The following SLC24A2 variants were observed in gnomAD, a reference collection of about 807,000 sequenced individuals.
SLC24A2 encodes the protein sodium/potassium/calcium exchanger 2.
In SLC24A2, 36 loss-of-function variants were observed where a neutral mutation model predicts 62.0. The observed-to-expected ratio is 0.58, with a 90% CI of 0.44 to 0.77. The LOEUF is 0.77. Among genes scored for constraint, SLC24A2 ranks in the 30% least tolerant of loss-of-function variants. The pLI is 0.00. For missense variants in SLC24A2, 846 were observed against 817.9 expected, an observed-to-expected ratio of 1.03 and a Z score of -0.42; for synonymous variants, 358 against 294.0, an observed-to-expected ratio of 1.22 and a Z score of -2.23.
chr9:19,748,998 C>T lies in SLC24A2; in HGVS notation c.930+36939G>A, dbSNP rs550239605. Reference sequence around the variant, plus strand: ...AGAGACCTTGAAGTACAGGATAAGACACATTTGATCAGCACAACCAGCTTC... The same window carrying T: ...AGAGACCTTGAAGTACAGGATAAGATACATTTGATCAGCACAACCAGCTTC... On this transcript the variant is annotated intron_variant, in intron 2 of 10. Coordinates refer to ENST00000341998, the MANE Select transcript of SLC24A2 (RefSeq NM_020344.4). Among the ~76,000 whole-genome samples the T allele has an allele frequency of 7.3e-5, 11 of 151,148 alleles. No homozygotes were observed. In the East Asian group the frequency reaches 2.1e-3, roughly 29 times the overall value.
chr9:19,924,300 C>A, the SLC24A2 span, among the ~76,000 whole-genome samples: 14,601 of 152,232 alleles, frequency 0.096, 2,139 homozygotes, highest in African/African-American at 0.31. Flanking sequence ...TGTGCAATTT[C>A]AGATGTGTCA....
intron 4 of SLC24A2, among the ~76,000 whole-genome samples, chr9:19,615,649 A>G (rs1817747533): frequency 6.6e-6 from 1 of 152,180 alleles, no homozygotes; most frequent in Non-Finnish European, 1.5e-5. Flanking sequence ...GGCTCTCAGC[A>G]TCTCTCAGAT....
At chr9:19,859,465 A>C in the SLC24A2 span, among the ~76,000 whole-genome samples, 2 of 152,184 alleles carry the variant, frequency 1.3e-5, no homozygotes, top group African/African-American at 4.8e-5. Context: ...TTACCTATGC[A>C]ACAAACGTGC....
At chr9:20,114,238 C>G in the SLC24A2 span, among the ~76,000 whole-genome samples, 16 of 152,094 alleles carry the variant, frequency 1.1e-4, no homozygotes, top group African/African-American at 3.9e-4. Context: ...AGGAAAGAAC[C>G]ACCGCAAAGG....
chr9:19,772,782 G>T (rs1188759273), intron 2 of SLC24A2, among the ~76,000 whole-genome samples: 2 of 152,082 alleles, frequency 1.3e-5, no homozygotes, highest in African/African-American at 4.8e-5. Context: ...GAAAACAGTT[G>T]GCAGTTCCTC....
the SLC24A2 span, among the ~76,000 whole-genome samples, chr9:19,969,790 T>A: frequency 6.6e-6 from 1 of 152,232 alleles, no homozygotes; most frequent in Non-Finnish European, 1.5e-5. Flanking sequence ...TTGGTTAAAA[T>A]ACTAACTCAA....
At chr9:19,921,416 G>A in the SLC24A2 span, among the ~76,000 whole-genome samples, 6 of 151,648 alleles carry the variant, frequency 4.0e-5, no homozygotes, top group South Asian at 2.1e-4. Context: ...CCAGCTACTC[G>A]GGAGGGACAG....
At chr9:19,899,533 C>G in the SLC24A2 span, among the ~76,000 whole-genome samples, 6 of 152,148 alleles carry the variant, frequency 3.9e-5, no homozygotes, top group Non-Finnish European at 7.3e-5. Flanking sequence ...CAGTTACCCT[C>G]ACATCATGAA....
At chr9:19,575,317 G>A (rs1586985350) in intron 6 of SLC24A2, among the ~76,000 whole-genome samples, 1 of 152,154 alleles carries the variant, frequency 6.6e-6, no homozygotes, top group Non-Finnish European at 1.5e-5. Context: ...ACTCTGTTTG[G>A]AGAATTCTAT....
chr9:19,985,360 A>C, the SLC24A2 span, among the ~76,000 whole-genome samples: 1 of 152,206 alleles, frequency 6.6e-6, no homozygotes, highest in Admixed American at 6.5e-5. Context: ...GGGATTGGAT[A>C]AACAAATTAT....
chr9:19,785,502 C>T (rs1238910446), intron 2 of SLC24A2, among the ~76,000 whole-genome samples: 1 of 152,232 alleles, frequency 6.6e-6, no homozygotes, highest in Non-Finnish European at 1.5e-5. Context: ...CTTTCTTCCT[C>T]AGACATCTCT....
chr9:19,839,677 A>G, the SLC24A2 span, among the ~76,000 whole-genome samples: 241 of 152,320 alleles, frequency 1.6e-3, 1 homozygote, highest in African/African-American at 5.1e-3. Context: ...ACAGTTAATG[A>G]AAGTGTTCCC....
chr9:19,795,920 C>A, the SLC24A2 span, among the ~76,000 whole-genome samples: 1 of 134,220 alleles, frequency 7.5e-6, no homozygotes, highest in African/African-American at 2.5e-5. Context: ...CACATATACA[C>A]CATGGAATAA....
chr9:19,741,643 T>G (rs1366995716), intron 2 of SLC24A2, among the ~76,000 whole-genome samples: 1 of 152,208 alleles, frequency 6.6e-6, no homozygotes, highest in Non-Finnish European at 1.5e-5. Context: ...ATTAACAACT[T>G]TCTACCTAGT....
intron 4 of SLC24A2, among the ~76,000 whole-genome samples, chr9:19,618,836 C>CA (rs1252676061): frequency 1.3e-5 from 2 of 152,120 alleles, no homozygotes; most frequent in Non-Finnish European, 2.9e-5. Flanking sequence ...TTACTAGTGA[C>CA]AAAACTAATA....
At chr9:20,187,976 G>C in the SLC24A2 span, among the ~76,000 whole-genome samples, 1 of 152,182 alleles carries the variant, frequency 6.6e-6, no homozygotes, top group Admixed American at 6.5e-5. Context: ...CTCAGGAGGT[G>C]GGACTGTCTT....
the SLC24A2 span, among the ~76,000 whole-genome samples, chr9:19,991,913 C>T: frequency 6.6e-6 from 1 of 152,126 alleles, no homozygotes; most frequent in Admixed American, 6.6e-5. Flanking sequence ...ACCCTAGAGA[C>T]ATTTCCCAGG....
intron 2 of SLC24A2, among the ~76,000 whole-genome samples, chr9:19,718,760 C>G (rs1480491755): frequency 1.3e-5 from 2 of 152,084 alleles, no homozygotes; most frequent in African/African-American, 4.8e-5. Context: ...TGTAAAGTTT[C>G]CTGTGGGAAG....
chr9:20,296,769 C>T, the SLC24A2 span, among the ~76,000 whole-genome samples: 1 of 152,208 alleles, frequency 6.6e-6, no homozygotes, highest in Non-Finnish European at 1.5e-5. Flanking sequence ...AATTGCCAAT[C>T]ATAGTGGTAT....
Sources: allele counts gnomAD v4.1 joint callset (sites outside exome capture counted in the v4.1 genomes callset), GRCh38; gene constraint gnomAD v4.1.1; transcripts MANE v1.5; gene names NCBI Gene and HGNC (gene_info 2026-07-23, HGNC 2026-07-21).